AKT3: variants seen among roughly 807,000 people sequenced by gnomAD.
The protein encoded by AKT3 is RAC-gamma serine/threonine-protein kinase.
Under a neutral mutation model 65.3 loss-of-function variants are expected in AKT3, and 15 were observed. The ratio of observed to expected loss-of-function variants is 0.23; its 90% CI spans 0.15 to 0.35. The LOEUF (loss-of-function observed/expected upper bound fraction) is 0.35. Ranked by LOEUF, AKT3 falls within the 10% of genes least tolerant of loss-of-function variation. The probability of loss-of-function intolerance (pLI) is 1.00; values close to 1 mark genes in which losing one functional copy is unlikely to be tolerated. For synonymous variants in AKT3, 206 were observed against 183.8 expected (o/e 1.12, Z -0.98); for missense variants, 243 against 576.5 (o/e 0.42, Z 5.92).
intron 9 of AKT3, among the ~76,000 whole-genome samples, chr1:243,569,298 C>T (rs1257769265): frequency 1.3e-5 from 2 of 152,188 alleles, no homozygotes; most frequent in African/African-American, 2.4e-5. Flanking sequence ...TAAACAGACC[C>T]CAAATAGGTT....
chr1:243,777,433 A>C (rs927610565), intron 2 of AKT3, among the ~76,000 whole-genome samples: 1 of 152,216 alleles, frequency 6.6e-6, no homozygotes, highest in Non-Finnish European at 1.5e-5. Context: ...CCTGCACTGT[A>C]AAACAGGTAG....
intron 2 of AKT3, among the ~76,000 whole-genome samples, chr1:243,781,342 T>C (rs896591319): frequency 6.6e-6 from 1 of 152,192 alleles, no homozygotes; most frequent in African/African-American, 2.4e-5. Context: ...TCATTTCATA[T>C]ACAATGCTGT....
At position 243,500,540 on chromosome 1, in the gene AKT3, CAATT is replaced by C. The variant is rs540512970; in HGVS notation, c.*4705_*4708del. ...TCTAAAATAGTATTTCTACTATACA[CAATT>C]AAGCCCTCAAATGCTTTAAAGTAAT... is the stretch of plus-strand genomic sequence containing the variant. On this transcript the variant is annotated 3_prime_UTR_variant, in exon 14 of 14. Coordinates refer to ENST00000673466, the MANE Select transcript of AKT3 (RefSeq NM_005465.7). 1.1e-3 allele frequency: 239 copies of C among 227,444 alleles called. 1 individual carries two copies. Among genetic ancestry groups the C allele is most frequent in the African/African-American group, 5.0e-3 (225 of 45,148 alleles). The allele number at this position is 227,444 out of a possible 1,614,324, so 14.1% of individuals were successfully genotyped here.
At chr1:243,554,421 A>G (rs1673276677) in intron 10 of AKT3, among the ~76,000 whole-genome samples, 2 of 152,206 alleles carry the variant, frequency 1.3e-5, no homozygotes, top group Non-Finnish European at 2.9e-5. Context: ...GAAGAACAAC[A>G]AATTCTAGTT....
chr1:243,501,148 G>C lies in AKT3; in HGVS notation c.*4101C>G, dbSNP rs562287245. On this transcript the variant is annotated 3_prime_UTR_variant, in exon 14 of 14. Transcript: ENST00000673466. ...GTCCCAAAAGCCATTCCTCTGTCTG[G>C]CTTCGTCACAGGAGCAAAGCCAAGT... The C allele has an allele frequency of 2.2e-5, 5 of 230,996 alleles. No homozygotes were observed. The highest frequency in any genetic ancestry group is 1.1e-4 in the African/African-American group (5 of 45,156). The allele number at this position is 230,996 out of a possible 1,614,324, so 14.3% of individuals were successfully genotyped here. A position where few individuals can be genotyped will look rare whatever the true frequency, so the allele number is the denominator to read the frequency against.
At chr1:243,547,967 C>G (rs1445345361) in intron 11 of AKT3, 2 of 152,174 alleles carry the variant, frequency 1.3e-5, no homozygotes, top group African/African-American at 2.4e-5. Context: ...GTTCTGTGTT[C>G]AGTGAGAGCT....
chr1:243,550,958 C>CAAA (rs60047036), intron 11 of AKT3, among the ~76,000 whole-genome samples: 214 of 17,518 alleles, frequency 0.012, 24 homozygotes, highest in African/African-American at 0.029. Context: ...GACTCCCTCT[C>CAAA]AAAAAAAAAA....
intron 8 of AKT3, chr1:243,612,420 G>C (rs1465292645): frequency 6.6e-6 from 1 of 152,088 alleles, no homozygotes; most frequent in East Asian, 1.9e-4. Context: ...AGCCCTGAAT[G>C]AATGAAGTTT....
rs117720844 is a variant in AKT3, at chr1:243,600,004, C to A, written c.696+13667G>T. ...CATCAACTGTATGTCTATATATTAG[C>A]AAGAATCAACTACAAATTGAAATTT... On this transcript the variant is annotated intron_variant, in intron 8 of 13. Transcript: ENST00000673466. Among the ~76,000 whole-genome samples, 44 of 152,026 alleles carry A rather than the reference C, an allele frequency of 2.9e-4. 1 individual carries two copies. In the East Asian group the frequency reaches 8.5e-3, roughly 29 times the overall value.
intron 12 of AKT3, among the ~76,000 whole-genome samples, chr1:243,539,877 A>G (rs72759896): frequency 0.096 from 14,675 of 152,264 alleles, 1,000 homozygotes; most frequent in Admixed American, 0.18. Flanking sequence ...CACAAAGAGC[A>G]AAATTCATCT....
intron 2 of AKT3, among the ~76,000 whole-genome samples, chr1:243,748,475 G>C (rs990794321): frequency 2.0e-5 from 3 of 152,120 alleles, no homozygotes; most frequent in African/African-American, 7.2e-5. Flanking sequence ...CACTTAGAAA[G>C]AAGCAGCTTT....
intron 2 of AKT3, among the ~76,000 whole-genome samples, chr1:243,781,203 T>C (rs577694581): frequency 2.2e-4 from 33 of 152,246 alleles, no homozygotes; most frequent in Non-Finnish European, 4.1e-4. Context: ...ATTTTTAAAG[T>C]TAACCGTAGA....
chr1:243,800,829 C>A (rs576282354), intron 2 of AKT3, among the ~76,000 whole-genome samples: 1 of 151,996 alleles, frequency 6.6e-6, no homozygotes, highest in Non-Finnish European at 1.5e-5. Context: ...TTAGGATAAG[C>A]CATAAAATAC....
intron 2 of AKT3, among the ~76,000 whole-genome samples, chr1:243,750,408 TACACAC>T (rs56210876): frequency 0.45 from 67,785 of 149,260 alleles, 18,362 homozygotes; most frequent in Non-Finnish European, 0.6. Context: ...CATGCACGTA[TACACAC>T]ACACACACAC....
At chr1:243,841,781 C>G (rs962305140) in intron 2 of AKT3, among the ~76,000 whole-genome samples, 2 of 151,986 alleles carry the variant, frequency 1.3e-5, no homozygotes, top group Non-Finnish European at 2.9e-5. Flanking sequence ...AAATGTCCAA[C>G]AAGTGATTAA....
chr1:243,502,886 G>A lies in AKT3; in HGVS notation c.*2363C>T. 1 of 233,204 alleles carries A rather than the reference G, an allele frequency of 4.3e-6. No homozygotes were observed. The highest frequency in any genetic ancestry group is 8.5e-6 in the Non-Finnish European group (1 of 117,998). The allele number at this position is 233,204 out of a possible 1,614,324, so 14.4% of individuals were successfully genotyped here. Reference sequence around the variant, plus strand: ...CATGGGAATCACTTTAAGATTTGCGGGAGAAAAAACCAAAACAACAAAAAG... The same window carrying A: ...CATGGGAATCACTTTAAGATTTGCGAGAGAAAAAACCAAAACAACAAAAAG... On this transcript the variant is annotated 3_prime_UTR_variant, in exon 14 of 14. Transcript: ENST00000673466.
chr1:243,690,903 T>C (rs1684648006), intron 3 of AKT3, among the ~76,000 whole-genome samples: 1 of 152,194 alleles, frequency 6.6e-6, no homozygotes, highest in Non-Finnish European at 1.5e-5. Flanking sequence ...GTTTCAGATG[T>C]TCACTTAAAA....
At chr1:243,793,260 T>G (rs1311843351) in intron 2 of AKT3, 1 of 152,174 alleles carries the variant, frequency 6.6e-6, no homozygotes, top group Non-Finnish European at 1.5e-5. Flanking sequence ...AAAATTTTTT[T>G]TACATATTTT....
intron 2 of AKT3, among the ~76,000 whole-genome samples, chr1:243,814,327 AAC>A (rs1693375928): frequency 6.6e-6 from 1 of 152,206 alleles, no homozygotes; most frequent in African/African-American, 2.4e-5. Context: ...TATTATATCT[AAC>A]ATTTATTTTA....
Sources: gnomAD v4.1 joint callset for allele counts (sites outside exome capture counted in the v4.1 genomes callset) on GRCh38, gnomAD v4.1.1 for gene constraint, MANE v1.5 for transcripts, NCBI Gene and HGNC (gene_info 2026-07-23, HGNC 2026-07-21) for gene names.